SLC9A1: variants seen among roughly 807,000 people sequenced by gnomAD.
SLC9A1 encodes the protein sodium/hydrogen exchanger 1.
Under a neutral mutation model 67.9 loss-of-function variants are expected in SLC9A1, and 22 were observed. The observed-to-expected ratio is 0.32, with a 90% CI of 0.23 to 0.46. SLC9A1 has a LOEUF of 0.46. SLC9A1 is among the 20% of genes least tolerant of loss of function. The probability of loss-of-function intolerance (pLI) is 1.00; values close to 1 mark genes in which losing one functional copy is unlikely to be tolerated. For synonymous variants in SLC9A1, 421 were observed against 471.8 expected, an observed-to-expected ratio of 0.89 and a Z score of 1.40; for missense variants, 686 against 1,094.8, an observed-to-expected ratio of 0.63 and a Z score of 5.27.
At chr1:27,134,600 T>C (rs1482235841) in intron 1 of SLC9A1, among the ~76,000 whole-genome samples, 3 of 152,048 alleles carry the variant, frequency 2.0e-5, no homozygotes, top group Non-Finnish European at 4.4e-5. Flanking sequence ...CCGGCCAGGG[T>C]GAACGGCCGC....
chr1:27,121,359 G>C (rs937868619), intron 1 of SLC9A1, among the ~76,000 whole-genome samples: 3 of 152,170 alleles, frequency 2.0e-5, no homozygotes, highest in South Asian at 2.1e-4. Context: ...CAAAACCCCA[G>C]GTCCAGACCC....
Position 27,100,399 on chromosome 1 carries a change from G to T in SLC9A1, c.2356C>A (p.Pro786Thr). 1 of 1,602,216 alleles carries T rather than the reference G, an allele frequency of 6.2e-7. No homozygotes were observed. The highest frequency in any genetic ancestry group is 8.5e-7 in the Non-Finnish European group (1 of 1,173,684). ...CAGCGCTGTATCCTCTGGGAGCTGG[G>T]GCTGTCACTGGGCGCGGGGGTGAAG... ...DVFTPAPSDS[P>T]SSQRIQRCLS... The change falls in exon 12 of 12, where the codon CCC becomes ACC. Residue 786 changes from proline (P) to threonine (T), a missense_variant. Pro to Thr is a conservative substitution (Grantham distance 38, BLOSUM62 -1). Coordinates refer to ENST00000263980, the MANE Select transcript of SLC9A1 (RefSeq NM_003047.5). The surrounding 1 kb of genome is among the most constrained non-coding windows in gnomAD (Gnocchi z 5.6).
At chr1:27,132,083 G>A (rs945728135) in intron 1 of SLC9A1, among the ~76,000 whole-genome samples, 7 of 151,392 alleles carry the variant, frequency 4.6e-5, no homozygotes, top group African/African-American at 1.7e-4. Flanking sequence ...GGCTCAGAGA[G>A]GCTAGGTTAC....
At chr1:27,116,787 A>G (rs2083274828) in intron 1 of SLC9A1, among the ~76,000 whole-genome samples, 1 of 152,000 alleles carries the variant, frequency 6.6e-6, no homozygotes, top group Non-Finnish European at 1.5e-5. Flanking sequence ...CTCTTGCCTC[A>G]TGTCCCATTC....
In SLC9A1 at chr1:27,137,442, C is replaced by G. The variant is rs2083426997; in HGVS notation, c.352+16541G>C. Reference sequence around the variant, plus strand: ...TCATCATGTCAGACATTTAGAAGCCCTTACTGCTAGGTGCTCGCCTCAGCA... The same window carrying G: ...TCATCATGTCAGACATTTAGAAGCCGTTACTGCTAGGTGCTCGCCTCAGCA... On this transcript the variant is annotated intron_variant, in intron 1 of 11. Transcript: ENST00000263980. The surrounding 1 kb of genome is among the most constrained non-coding windows in gnomAD (Gnocchi z 4.6). Among the ~76,000 whole-genome samples, 2 of 152,218 alleles carry G rather than the reference C, an allele frequency of 1.3e-5. No homozygotes were observed. Among genetic ancestry groups the G allele is most frequent in the South Asian group, 2.1e-4 (1 of 4,832 alleles).
At position 27,113,792 on chromosome 1, in the gene SLC9A1, G is replaced by A. The variant is rs376126709; in HGVS notation, c.813+34C>T. 2.1e-5 allele frequency: 33 copies of A among 1,549,532 alleles called. 1 individual carries two copies. Among genetic ancestry groups the A allele is most frequent in the East Asian group, 9.0e-5 (4 of 44,364 alleles). On this transcript the variant is annotated intron_variant, in intron 2 of 11. Transcript: ENST00000263980. Reference sequence around the variant, plus strand: ...GTGGGCCTGGATTTGGGTTTGTACCGTTTGGACATGGGCATGGCCCCTGGC... The same window carrying A: ...GTGGGCCTGGATTTGGGTTTGTACCATTTGGACATGGGCATGGCCCCTGGC...
chr1:27,132,828 T>C (rs116003250), intron 1 of SLC9A1, among the ~76,000 whole-genome samples: 541 of 152,244 alleles, frequency 3.6e-3, no homozygotes, highest in Non-Finnish European at 6.3e-3. Context: ...CTGATTATCA[T>C]TGCCACAGTG....
chr1:27,131,535 G>T (rs1263710160), intron 1 of SLC9A1, among the ~76,000 whole-genome samples: 1 of 151,364 alleles, frequency 6.6e-6, no homozygotes, highest in African/African-American at 2.4e-5. Flanking sequence ...GGATCACAAG[G>T]TCAAGAGATC....
At chr1:27,124,418 T>G (rs1254530318) in intron 1 of SLC9A1, among the ~76,000 whole-genome samples, 2 of 152,242 alleles carry the variant, frequency 1.3e-5, no homozygotes, top group African/African-American at 4.8e-5. Context: ...AAATTCATTA[T>G]ATATAACTTC....
In SLC9A1 at chr1:27,103,299, C is replaced by T. The variant is rs777917311; in HGVS notation, c.1499G>A (p.Arg500Gln). The change falls in exon 6 of 12, where the codon CGG (arginine) becomes CAG (glutamine). Residue 500 changes from arginine to glutamine, a missense_variant. Arg to Gln is a conservative substitution (Grantham distance 43). Around this residue, in one of 7 missense-constraint regions of SLC9A1, gnomAD observed 168 missense variants for 375.4 expected, o/e 0.45. Transcript: ENST00000263980. ...FTVFVQGMTI[R>Q]PLVDLLAVKK... is the part of the protein sequence containing the mutation. Reference sequence around the variant, plus strand: ...CACAGCCAACAGGTCTACCAGGGGCCGAATGGTCATGCCCTGGGGGGCAGG... The same window carrying T: ...CACAGCCAACAGGTCTACCAGGGGCTGAATGGTCATGCCCTGGGGGGCAGG... 8 of 1,613,746 alleles carry T rather than the reference C, an allele frequency of 5.0e-6. No homozygotes were observed. The highest frequency in any genetic ancestry group is 2.2e-5 in the East Asian group (1 of 44,858).
intron 1 of SLC9A1, among the ~76,000 whole-genome samples, chr1:27,121,459 G>C (rs2083304077): frequency 6.6e-6 from 1 of 152,202 alleles, no homozygotes; most frequent in Non-Finnish European, 1.5e-5. Context: ...AGTGAGAACA[G>C]GGACTAGACA....
chr1:27,144,492 GTCGCTCCCAGCGAGC>G (rs1381930332), intron 1 of SLC9A1, among the ~76,000 whole-genome samples: 1 of 152,220 alleles, frequency 6.6e-6, no homozygotes, highest in Admixed American at 6.5e-5. Flanking sequence ...TTCTGTGAGT[GTCGCTCCCAGCGAGC>G]TCAGTTAAAC....
chr1:27,123,532 T>G (rs1570865798), intron 1 of SLC9A1, among the ~76,000 whole-genome samples: 1 of 151,934 alleles, frequency 6.6e-6, no homozygotes, highest in East Asian at 1.9e-4. Flanking sequence ...AGACAGAGTC[T>G]CGCTCTGTCA....
chr1:27,141,995 G>A (rs1173817534), intron 1 of SLC9A1, among the ~76,000 whole-genome samples: 2 of 152,234 alleles, frequency 1.3e-5, no homozygotes, highest in Admixed American at 1.3e-4. Flanking sequence ...AAGCCTCTGG[G>A]CTGTCTCAGA....
intron 1 of SLC9A1, among the ~76,000 whole-genome samples, chr1:27,134,095 A>G (rs557541022): frequency 2.0e-5 from 3 of 152,138 alleles, no homozygotes; most frequent in African/African-American, 7.2e-5. Flanking sequence ...GTGCCTTTCC[A>G]CTGTAGCAGG....
At position 27,145,266 on chromosome 1, in the gene SLC9A1, C is replaced by T. The variant is rs141280601; in HGVS notation, c.352+8717G>A. Among the ~76,000 whole-genome samples the T allele has an allele frequency of 4.0e-3, 602 of 152,344 alleles. 4 individuals are homozygous for T. The highest frequency in any genetic ancestry group is 0.013 in the African/African-American group (541 of 41,590). On this transcript the variant is annotated intron_variant, in intron 1 of 11. Coordinates refer to ENST00000263980, the MANE Select transcript of SLC9A1 (RefSeq NM_003047.5). The stretch of plus-strand genomic sequence containing the variant: ...AGTCCTCAGGGACTGCTTGCTCCCT[C>T]TGTACTTTGCCTCTGCCAGGAGTCC...
intron 2 of SLC9A1, among the ~76,000 whole-genome samples, chr1:27,113,548 A>G (rs952160256): frequency 6.6e-6 from 1 of 152,208 alleles, no homozygotes. Flanking sequence ...ACCTGGTTCA[A>G]TCACAAACTG....
In SLC9A1 at chr1:27,103,086, C is replaced by A. The variant is rs975554363; in HGVS notation, c.1575+137G>T. ...CCTTCCTATGGCTAGACCCTGGCGG[C>A]CTCCTGGGGCAGAGGGAGCCCCTGG... On this transcript the variant is annotated intron_variant, in intron 6 of 11. Transcript: ENST00000263980. The A allele has an allele frequency of 5.6e-6, 4 of 710,116 alleles. No homozygotes were observed. In the Admixed American group the frequency reaches 8.6e-5, roughly 15 times the overall value. 44.0% of individuals were successfully genotyped at this position (710,116 alleles called of 1,614,324 possible). A position where few individuals can be genotyped will look rare whatever the true frequency, so the allele number is the denominator to read the frequency against.
chr1:27,135,164 T>C (rs1332082589), intron 1 of SLC9A1, among the ~76,000 whole-genome samples: 1 of 145,858 alleles, frequency 6.9e-6, no homozygotes, highest in Non-Finnish European at 1.5e-5. Context: ...ATCCTCCCAC[T>C]TCAGCCTCCC....
Sources: allele counts gnomAD v4.1 joint callset (sites outside exome capture counted in the v4.1 genomes callset), GRCh38; gene constraint gnomAD v4.1.1; regional missense constraint gnomAD v4.1.1; non-coding constraint Gnocchi (gnomAD v3.1); transcripts MANE v1.5; gene names NCBI Gene and HGNC (gene_info 2026-07-23, HGNC 2026-07-21).